Variants in ROBO1 observed in about 807,000 individuals in gnomAD.
The protein encoded by ROBO1 is roundabout homolog 1.
A neutral mutation model predicts 195.9 loss-of-function variants in ROBO1; 149 were observed. That is an observed-to-expected ratio of 0.76 (90% CI 0.67 to 0.87). The LOEUF (loss-of-function observed/expected upper bound fraction) is 0.87, where lower values mean the gene tolerates loss of function less well. ROBO1 is among the 40% of genes least tolerant of loss of function. The pLI, the probability that ROBO1 is intolerant of heterozygous loss-of-function variation, is 0.00. For synonymous variants in ROBO1, 816 were observed against 733.2 expected (o/e 1.11, Z -1.82); for missense variants, 1,933 against 2,068.3 (o/e 0.93, Z 1.27).
intron 3 of ROBO1, among the ~76,000 whole-genome samples, 200 bp downstream of exon 3, chr3:79,125,256 T>C (rs910837476): frequency 6.6e-6 from 1 of 152,206 alleles, no homozygotes; most frequent in Non-Finnish European, 1.5e-5. Flanking sequence ...GATTACAGTT[T>C]CCATGTACAT....
chr3:79,484,988 G>T (rs528784167), intron 2 of ROBO1, among the ~76,000 whole-genome samples: 2 of 151,966 alleles, frequency 1.3e-5, no homozygotes, highest in South Asian at 2.1e-4. Context: ...TCTTGACCTT[G>T]TGATCTGCCT....
chr3:78,786,356 A>G (rs2083833810), intron 4 of ROBO1, among the ~76,000 whole-genome samples: 1 of 152,218 alleles, frequency 6.6e-6, no homozygotes, highest in African/African-American at 2.4e-5. Context: ...GTAAATTTCA[A>G]GAAATATTTC....
chr3:78,686,335 T>C (rs2081051119), intron 9 of ROBO1, among the ~76,000 whole-genome samples: 1 of 151,974 alleles, frequency 6.6e-6, no homozygotes, highest in Non-Finnish European at 1.5e-5. Context: ...GGCAGGCGGA[T>C]CACGAGGTCA....
chr3:78,651,481 G>A (rs1414982752), intron 19 of ROBO1, among the ~76,000 whole-genome samples: 1 of 152,068 alleles, frequency 6.6e-6, no homozygotes, highest in Non-Finnish European at 1.5e-5. Context: ...ACAGCCAAAG[G>A]TAGACCTACC....
chr3:78,743,340 C>T (rs2082577780), intron 5 of ROBO1, among the ~76,000 whole-genome samples: 1 of 152,020 alleles, frequency 6.6e-6, no homozygotes, highest in South Asian at 2.1e-4. Flanking sequence ...CATCATTACT[C>T]CATCTACCAG....
intron 1 of ROBO1, among the ~76,000 whole-genome samples, chr3:79,755,970 C>T (rs527322493): frequency 6.6e-6 from 1 of 152,348 alleles, no homozygotes; most frequent in Non-Finnish European, 1.5e-5. Flanking sequence ...CATCTACCTA[C>T]TGCATTTGGC....
chr3:78,758,150 A>G (rs1233840851), intron 4 of ROBO1, among the ~76,000 whole-genome samples: 1 of 152,218 alleles, frequency 6.6e-6, no homozygotes, highest in Non-Finnish European at 1.5e-5. Flanking sequence ...TTGAGATTAA[A>G]TTAGCAGAAA....
At chr3:79,003,650 T>G (rs924369718) in intron 3 of ROBO1, among the ~76,000 whole-genome samples, 18 of 152,122 alleles carry the variant, frequency 1.2e-4, no homozygotes, top group Non-Finnish European at 1.0e-4. Flanking sequence ...CTGTGAAACA[T>G]AATGAAAAAT....
At chr3:79,155,055 A>G (rs1344457928) in intron 2 of ROBO1, among the ~76,000 whole-genome samples, 1 of 151,810 alleles carries the variant, frequency 6.6e-6, no homozygotes, top group Non-Finnish European at 1.5e-5. Flanking sequence ...GTGCCTCTCA[A>G]AGGACACATT....
At chr3:79,692,559 G>A (rs1007533171) in intron 1 of ROBO1, among the ~76,000 whole-genome samples, 2 of 151,622 alleles carry the variant, frequency 1.3e-5, no homozygotes, top group African/African-American at 4.9e-5. Flanking sequence ...GATTCCAAAA[G>A]AAAGACACAG....
Position 78,597,611 on chromosome 3 carries a change from A to C in ROBO1, c.*1302T>G. ...AAAATGACAAAAAAGGATCATAGAA[A>C]TCTACTAGTCAGAGGGCATCATTTG... On this transcript the variant is annotated 3_prime_UTR_variant, in exon 31 of 31. Coordinates refer to ENST00000464233, the MANE Select transcript of ROBO1 (RefSeq NM_002941.4). 1 of 152,318 alleles carries C rather than the reference A, an allele frequency of 6.6e-6. No individual in the cohort carries two copies. The highest frequency in any genetic ancestry group is 1.9e-4 in the East Asian group (1 of 5,198). The allele number at this position is 152,318 out of a possible 1,614,324, so 9.4% of individuals were successfully genotyped here.
intron 18 of ROBO1, among the ~76,000 whole-genome samples, chr3:78,653,137 T>G (rs2107627307): frequency 6.6e-6 from 1 of 152,226 alleles, no homozygotes. Flanking sequence ...GGCCTCAGCA[T>G]TGATTTTGAA....
chr3:78,863,126 A>G (rs895711536), intron 4 of ROBO1, among the ~76,000 whole-genome samples: 1 of 152,188 alleles, frequency 6.6e-6, no homozygotes. Flanking sequence ...TCTGTATGGC[A>G]TATCTCATTT....
intron 3 of ROBO1, among the ~76,000 whole-genome samples, chr3:79,095,713 T>G (rs773221030): frequency 3.3e-5 from 5 of 152,122 alleles, no homozygotes; most frequent in Non-Finnish European, 5.9e-5. Context: ...AATGTACTTC[T>G]GTTGTACAAG....
At chr3:78,986,602 T>G (rs1425088609) in intron 3 of ROBO1, among the ~76,000 whole-genome samples, 1 of 152,150 alleles carries the variant, frequency 6.6e-6, no homozygotes, top group East Asian at 1.9e-4. Flanking sequence ...TGTTTCCTTC[T>G]CCATCTGGTG....
At chr3:79,022,962 CTG>C (rs1379952352) in intron 3 of ROBO1, among the ~76,000 whole-genome samples, 2 of 152,136 alleles carry the variant, frequency 1.3e-5, no homozygotes, top group African/African-American at 4.8e-5. Flanking sequence ...CACAGGAACT[CTG>C]GAAATAACAG....
At chr3:79,713,495 T>C (rs940334772) in intron 1 of ROBO1, among the ~76,000 whole-genome samples, 4 of 152,100 alleles carry the variant, frequency 2.6e-5, no homozygotes, top group Non-Finnish European at 5.9e-5. Context: ...CTTAGAAGAG[T>C]TTAAGCCTTC....
In ROBO1 at chr3:79,329,759, T is replaced by C. The variant is rs191085942; in HGVS notation, c.89-204220A>G. On this transcript the variant is annotated intron_variant, in intron 2 of 30. Transcript: ENST00000464233. Reference sequence around the variant, plus strand: ...TTAAGTGAGATAGAATAATACAAATTCTTTATTGTCTAGTAAATCTCAAGC... The same window carrying C: ...TTAAGTGAGATAGAATAATACAAATCCTTTATTGTCTAGTAAATCTCAAGC... 4.7e-3 allele frequency among the ~76,000 whole-genome samples: 712 copies of C among 152,300 alleles called. 11 individuals carry two copies. The highest frequency in any genetic ancestry group is 0.016 in the African/African-American group (677 of 41,564).
intron 30 of ROBO1, 107 bp from the exon 31 acceptor site, chr3:78,599,034 T>G (rs966221943): frequency 2.2e-5 from 13 of 600,084 alleles, no homozygotes; most frequent in African/African-American, 3.8e-5. Flanking sequence ...GTCTTTTCAT[T>G]TATTCAATGG....
Sources: allele counts gnomAD v4.1 joint callset (sites outside exome capture counted in the v4.1 genomes callset), GRCh38; gene constraint gnomAD v4.1.1; transcripts MANE v1.5; gene names NCBI Gene and HGNC (gene_info 2026-07-23, HGNC 2026-07-21).